Variants in LRRC4B observed in about 807,000 individuals in gnomAD.
LRRC4B encodes the protein leucine rich repeat containing 4B.
Under a neutral mutation model 7.3 loss-of-function variants are expected in LRRC4B, and 1 was observed. The ratio of observed to expected loss-of-function variants is 0.14; its 90% CI spans 0.05 to 0.65. The LOEUF is 0.65. Among genes scored for constraint, LRRC4B ranks in the 30% least tolerant of loss-of-function variants. LRRC4B has a pLI of 0.84. For missense variants in LRRC4B, 730 were observed against 1,041.6 expected, an observed-to-expected ratio of 0.70 and a Z score of 4.12; for synonymous variants, 500 against 499.2, an observed-to-expected ratio of 1.00 and a Z score of -0.02.
intron 1 of LRRC4B, among the ~76,000 whole-genome samples, chr19:50,565,979 G>T (rs1238617280): frequency 6.6e-6 from 1 of 152,074 alleles, no homozygotes; most frequent in Non-Finnish European, 1.5e-5. Context: ...CCTTCCTTGG[G>T]TCTCTCTCCC....
At chr19:50,534,241 G>GC (rs1981170358) in intron 2 of LRRC4B, among the ~76,000 whole-genome samples, 1 of 152,164 alleles carries the variant, frequency 6.6e-6, no homozygotes, top group African/African-American at 2.4e-5. Flanking sequence ...GATCGTGGAG[G>GC]CTGCCCTGGT....
chr19:50,567,533 T>A (rs1982670391), intron 1 of LRRC4B, among the ~76,000 whole-genome samples: 1 of 148,930 alleles, frequency 6.7e-6, no homozygotes, highest in Admixed American at 6.6e-5. Context: ...GCAGCAGCGG[T>A]GTGGAGGGTG....
intron 2 of LRRC4B, among the ~76,000 whole-genome samples, chr19:50,547,417 A>G (rs974413796): frequency 6.6e-6 from 1 of 152,062 alleles, no homozygotes. Flanking sequence ...GGGACAGACC[A>G]GGCAGAAAAG....
intron 2 of LRRC4B, among the ~76,000 whole-genome samples, chr19:50,540,211 G>A (rs909637494): frequency 4.6e-5 from 7 of 152,084 alleles, no homozygotes; most frequent in Admixed American, 6.6e-5. Flanking sequence ...CCAGGGGTCC[G>A]CAACCCCTAG....
At chr19:50,560,316 C>T (rs1018034664) in intron 1 of LRRC4B, among the ~76,000 whole-genome samples, 7 of 152,074 alleles carry the variant, frequency 4.6e-5, no homozygotes, top group Non-Finnish European at 7.4e-5. Context: ...CTCTCCTCTC[C>T]GGAGCTCTGT....
At chr19:50,561,399 A>G (rs544727984) in intron 1 of LRRC4B, among the ~76,000 whole-genome samples, 1 of 152,158 alleles carries the variant, frequency 6.6e-6, no homozygotes, top group Non-Finnish European at 1.5e-5. Context: ...CAAGATTGAG[A>G]ACCTGACAGC....
chr19:50,554,978 T>C (rs1471102743), intron 1 of LRRC4B, among the ~76,000 whole-genome samples: 2 of 152,200 alleles, frequency 1.3e-5, no homozygotes, highest in Non-Finnish European at 2.9e-5. Context: ...GCCACAGGCA[T>C]GCTGAACAGC....
chr19:50,534,235 G>A (rs1048710071), intron 2 of LRRC4B, among the ~76,000 whole-genome samples: 4 of 152,174 alleles, frequency 2.6e-5, no homozygotes, highest in African/African-American at 7.2e-5. Flanking sequence ...TACACAGATC[G>A]TGGAGGCTGC....
chr19:50,542,205 G>A (rs977989519), intron 2 of LRRC4B, among the ~76,000 whole-genome samples: 3 of 152,200 alleles, frequency 2.0e-5, no homozygotes, highest in African/African-American at 7.2e-5. Context: ...GAGCCAGTCC[G>A]GTGAGGACCA....
At chr19:50,564,589 T>A (rs549573126) in intron 1 of LRRC4B, among the ~76,000 whole-genome samples, 1 of 151,046 alleles carries the variant, frequency 6.6e-6, no homozygotes, top group Admixed American at 6.6e-5. Flanking sequence ...CAGCAAGACA[T>A]TGGGGGCTGG....
chr19:50,528,487 G>A (rs886903956), intron 2 of LRRC4B, among the ~76,000 whole-genome samples: 1 of 152,136 alleles, frequency 6.6e-6, no homozygotes, highest in Non-Finnish European at 1.5e-5. Context: ...TGGGATTACA[G>A]GTGTGCACCA....
At chr19:50,565,795 G>A (rs554504938) in intron 1 of LRRC4B, among the ~76,000 whole-genome samples, 1 of 151,924 alleles carries the variant, frequency 6.6e-6, no homozygotes, top group Non-Finnish European at 1.5e-5. Context: ...CCTCACCCGC[G>A]TGTCTGCTCT....
chr19:50,523,489 C>A (rs1279266671), intron 2 of LRRC4B, among the ~76,000 whole-genome samples: 1 of 145,678 alleles, frequency 6.9e-6, no homozygotes, highest in Non-Finnish European at 1.5e-5. Context: ...ACCAGCCTGG[C>A]CAACATGATA....
intron 1 of LRRC4B, among the ~76,000 whole-genome samples, chr19:50,567,550 G>A (rs1009536278): frequency 2.6e-5 from 4 of 151,208 alleles, no homozygotes; most frequent in Non-Finnish European, 4.4e-5. Flanking sequence ...GGTGGGAGGG[G>A]CCATGGGGAG....
In LRRC4B at chr19:50,518,438, G is replaced by A. The variant is rs1044260233; in HGVS notation, c.1275C>T (p.Asn425=). The stretch of plus-strand genomic sequence containing the variant: ...ACTGGCCCGTGTCCTGCACGGTGAC[G>A]TTGGTGAAGTTAAGCGTGCCGTCAT... ...VLHDGTLNFT[N]VTVQDTGQYT... Residue 425 remains asparagine (N), a synonymous_variant, in exon 3 of 3, where the codon AAC becomes AAT. Transcript: ENST00000652263. 8 of 1,552,782 alleles carry A rather than the reference G, an allele frequency of 5.2e-6. No homozygotes were observed. The highest frequency in any genetic ancestry group is 1.2e-5 in the South Asian group (1 of 81,028).
intron 2 of LRRC4B, among the ~76,000 whole-genome samples, chr19:50,535,164 G>C (rs1454564081): frequency 6.6e-6 from 1 of 150,412 alleles, no homozygotes; most frequent in East Asian, 2.0e-4. Context: ...CACCACGCCC[G>C]GCCTGTTTAT....
At chr19:50,545,712 G>C (rs923489682) in intron 2 of LRRC4B, among the ~76,000 whole-genome samples, 1 of 139,772 alleles carries the variant, frequency 7.2e-6, no homozygotes, top group African/African-American at 2.7e-5. Flanking sequence ...GATAACTAAA[G>C]AGTTATTACT....
chr19:50,535,753 C>T (rs1981253508), intron 2 of LRRC4B, among the ~76,000 whole-genome samples: 2 of 152,190 alleles, frequency 1.3e-5, no homozygotes, highest in South Asian at 2.1e-4. Flanking sequence ...CCTAGACGTC[C>T]CTGTCTCCCT....
Position 50,544,885 on chromosome 19 carries a change from T to A in LRRC4B, c.297+3657A>T, listed in dbSNP as rs948535257. Reference sequence around the variant, plus strand: ...GCCTGGGAAACATAGTGAGACCCTGTCTTCATAAAAAAGAAAAAAAATCGA... The same window carrying A: ...GCCTGGGAAACATAGTGAGACCCTGACTTCATAAAAAAGAAAAAAAATCGA... On this transcript the variant is annotated intron_variant, in intron 2 of 2. Coordinates refer to ENST00000652263, the MANE Select transcript of LRRC4B (RefSeq NM_001080457.2). Among the ~76,000 whole-genome samples, 7 of 150,734 alleles carry A rather than the reference T, an allele frequency of 4.6e-5. No homozygotes were observed. The East Asian group carries it at 5.8e-4, about 13-fold the overall frequency.
Sources: allele counts gnomAD v4.1 joint callset (sites outside exome capture counted in the v4.1 genomes callset), GRCh38; gene constraint gnomAD v4.1.1; transcripts MANE v1.5; gene names NCBI Gene and HGNC (gene_info 2026-07-23, HGNC 2026-07-21).